The following CEPT1 variants were observed in gnomAD, a reference collection of about 807,000 sequenced individuals.
The protein encoded by CEPT1 is choline/ethanolaminephosphotransferase 1.
CEPT1 carries 7 observed loss-of-function variants against 42.6 expected under a neutral mutation model. The observed-to-expected ratio is 0.16, with a 90% CI of 0.09 to 0.31. CEPT1 has a LOEUF of 0.31. Ranked by LOEUF, CEPT1 falls within the 10% of genes least tolerant of loss-of-function variation. The pLI, the probability that CEPT1 is intolerant of heterozygous loss-of-function variation, is 1.00. For synonymous variants in CEPT1, 171 were observed against 171.9 expected, an observed-to-expected ratio of 0.99 and a Z score of 0.04; for missense variants, 306 against 502.1, an observed-to-expected ratio of 0.61 and a Z score of 3.73.
chr1:111,176,337 A>G (rs575453392), intron 5 of CEPT1, among the ~76,000 whole-genome samples: 1 of 152,092 alleles, frequency 6.6e-6, no homozygotes, highest in South Asian at 2.1e-4. Flanking sequence ...ATGGGAAGGA[A>G]ATAATAGTTT....
At chr1:111,167,056 C>G (rs1227352697) in intron 4 of CEPT1, 1 of 944,540 alleles carries the variant, frequency 1.1e-6, no homozygotes, top group East Asian at 1.2e-4. Flanking sequence ...GGCTCTTTAG[C>G]AAAAGTTCTG....
At chr1:111,144,043 T>C (rs1654813592) in intron 1 of CEPT1, among the ~76,000 whole-genome samples, 1 of 152,222 alleles carries the variant, frequency 6.6e-6, no homozygotes, top group African/African-American at 2.4e-5. Flanking sequence ...GAATAATTTT[T>C]TAATATTCTA....
intron 2 of CEPT1, among the ~76,000 whole-genome samples, chr1:111,149,266 C>CTT (rs775722606): frequency 7.0e-5 from 9 of 127,934 alleles, no homozygotes; most frequent in South Asian, 2.7e-4. Context: ...GGTTTCTCCT[C>CTT]TTTTTTTTTT....
chr1:111,141,856 C>T (rs1353425913), intron 1 of CEPT1, among the ~76,000 whole-genome samples: 1 of 151,416 alleles, frequency 6.6e-6, no homozygotes, highest in African/African-American at 2.4e-5. Flanking sequence ...ATAATTTGCC[C>T]TTCCTTTCTG....
intron 2 of CEPT1, among the ~76,000 whole-genome samples, chr1:111,149,365 C>T (rs1460013774): frequency 6.6e-6 from 1 of 150,992 alleles, no homozygotes; most frequent in Non-Finnish European, 1.5e-5. Context: ...AGGGTTTAAG[C>T]GATTCTCCTG....
Position 111,145,447 on chromosome 1 carries a change from T to C in CEPT1, c.-73-2195T>C, listed in dbSNP as rs139396101. 1.1e-4 allele frequency among the ~76,000 whole-genome samples: 17 copies of C among 152,368 alleles called. No individual in the cohort carries two copies. In the East Asian group the frequency reaches 3.3e-3, roughly 29 times the overall value. On this transcript the variant is annotated intron_variant, in intron 1 of 8. Transcript: ENST00000357172. ...CTAAACCAAATATTGAGATACGTGA[T>C]TGACAGAGGTTTTGGATGCCACCTT...
chr1:111,141,463 G>T (rs1654552842), intron 1 of CEPT1, among the ~76,000 whole-genome samples: 1 of 152,074 alleles, frequency 6.6e-6, no homozygotes, highest in East Asian at 1.9e-4. Context: ...CAATTTCTTT[G>T]TTTTCTAGGC....
rs998565480 is a variant in CEPT1, at chr1:111,148,115, G to A, written c.339+62G>A. The A allele has an allele frequency of 2.1e-5, 27 of 1,266,432 alleles. No individual in the cohort carries two copies. The East Asian group carries it at 2.6e-4, about 12-fold the overall frequency. The allele number at this position is 1,266,432 out of a possible 1,614,324, so 78.4% of individuals were successfully genotyped here. On this transcript the variant is annotated intron_variant, in intron 2 of 8. Transcript: ENST00000357172. ...TACCAAAAACGTTGTAATTGGGATC[G>A]TGGGGTCATTTTAACTAAAGATAAA... is the stretch of plus-strand genomic sequence containing the variant.
intron 3 of CEPT1, chr1:111,159,805 T>G (rs1291063679): frequency 7.6e-6 from 2 of 263,566 alleles, no homozygotes; most frequent in Admixed American, 1.1e-4. Flanking sequence ...AAAACTCTTA[T>G]GAACTAAATG....
intron 5 of CEPT1, chr1:111,180,270 G>A (rs1341984987): frequency 6.6e-6 from 1 of 152,082 alleles, no homozygotes; most frequent in East Asian, 1.9e-4. Flanking sequence ...TTTTGCCAGA[G>A]AGATCTTTTG....
At chr1:111,145,648 T>A (rs930392458) in intron 1 of CEPT1, among the ~76,000 whole-genome samples, 6 of 152,218 alleles carry the variant, frequency 3.9e-5, no homozygotes, top group Non-Finnish European at 8.8e-5. Context: ...TCATGTTTTG[T>A]GGCATGTGAC....
chr1:111,154,697 A>C (rs777475605), intron 2 of CEPT1, among the ~76,000 whole-genome samples: 7 of 152,132 alleles, frequency 4.6e-5, no homozygotes, highest in Non-Finnish European at 8.8e-5. Context: ...TATCTTGAAG[A>C]GATGTTGAAT....
rs1571132294 is a variant in CEPT1, at chr1:111,159,543, T to A, written c.487+16T>A. 1 of 1,599,548 alleles carries A rather than the reference T, an allele frequency of 6.3e-7. No homozygotes were observed. Among genetic ancestry groups the A allele is most frequent in the East Asian group, 2.2e-5 (1 of 44,582 alleles). On this transcript the variant is annotated intron_variant, in intron 3 of 8. Coordinates refer to ENST00000357172, the MANE Select transcript of CEPT1 (RefSeq NM_006090.5). ...CTATCAACAGGTATTGTTGATTTTT[T>A]TAATGTTATTGATTATTAACAATGG...
chr1:111,178,415 A>C (rs1195290566), intron 5 of CEPT1: 1 of 151,824 alleles, frequency 6.6e-6, no homozygotes, highest in African/African-American at 2.4e-5. Context: ...CCCCAAAGAG[A>C]TGAATTTTTA....
chr1:111,165,153 C>T (rs1256503174), intron 4 of CEPT1, among the ~76,000 whole-genome samples: 2 of 147,792 alleles, frequency 1.4e-5, no homozygotes, highest in Non-Finnish European at 3.0e-5. Flanking sequence ...GGGTTCATGC[C>T]ATTCTCCTGC....
intron 2 of CEPT1, among the ~76,000 whole-genome samples, chr1:111,149,266 C>CTTTTTT (rs775722606): frequency 2.3e-5 from 3 of 127,948 alleles, no homozygotes; most frequent in Non-Finnish European, 3.2e-5. Context: ...GGTTTCTCCT[C>CTTTTTT]TTTTTTTTTT....
At chr1:111,154,698 G>T (rs1571124319) in intron 2 of CEPT1, among the ~76,000 whole-genome samples, 1 of 152,196 alleles carries the variant, frequency 6.6e-6, no homozygotes, top group Admixed American at 6.5e-5. Context: ...ATCTTGAAGA[G>T]ATGTTGAATT....
At chr1:111,153,511 GC>G (rs767639052) in intron 2 of CEPT1, among the ~76,000 whole-genome samples, 60 of 152,140 alleles carry the variant, frequency 3.9e-4, no homozygotes, top group Non-Finnish European at 4.6e-4. Context: ...TCTTGCCTGT[GC>G]TTTTGAGATC....
intron 2 of CEPT1, among the ~76,000 whole-genome samples, chr1:111,157,981 A>G (rs1346105350): frequency 6.6e-6 from 1 of 152,236 alleles, no homozygotes; most frequent in Non-Finnish European, 1.5e-5. Flanking sequence ...GAAAAGTGAT[A>G]CAATATACTC....
Sources: allele counts gnomAD v4.1 joint callset (sites outside exome capture counted in the v4.1 genomes callset), GRCh38; gene constraint gnomAD v4.1.1; transcripts MANE v1.5; gene names NCBI Gene and HGNC (gene_info 2026-07-23, HGNC 2026-07-21).